KLC4: variants seen among roughly 807,000 people sequenced by gnomAD.
KLC4 encodes the protein kinesin light chain 4.
In KLC4, 49 loss-of-function variants were observed where a neutral mutation model predicts 77.2. That is an observed-to-expected ratio of 0.63 (90% confidence interval 0.50 to 0.80). The LOEUF (loss-of-function observed/expected upper bound fraction) is 0.80. Among genes scored for constraint, KLC4 ranks in the 30% least tolerant of loss-of-function variants. The probability of loss-of-function intolerance (pLI) is 0.00; values close to 1 mark genes in which losing one functional copy is unlikely to be tolerated. For missense variants in KLC4, 669 were observed against 793.5 expected, an observed-to-expected ratio of 0.84 and a Z score of 1.89; for synonymous variants, 274 against 314.5, an observed-to-expected ratio of 0.87 and a Z score of 1.36.
chr6:43,066,449 G>C lies in KLC4; in HGVS notation c.715G>C (p.Glu239Gln). ...CGTGCCACTCTGTAAGCAGGCACTA[G>C]AGGACCTGGAGCGCACATCAGGCCG... ...VAVPLCKQAL[E>Q]DLERTSGRGH... The change falls in exon 5 of 16, where the codon GAG becomes CAG. Residue 239 changes from glutamate (E) to glutamine (Q), a missense_variant. Transcript: ENST00000347162. The C allele has an allele frequency of 6.2e-7, 1 of 1,614,186 alleles. No individual in the cohort carries two copies. Among genetic ancestry groups the C allele is most frequent in the South Asian group, 1.1e-5 (1 of 91,088 alleles).
rs1341117761 is a variant in KLC4, at chr6:43,066,515, TTGG to T, written c.784_786del (p.Val262del). The T allele has an allele frequency of 6.2e-7, 1 of 1,612,502 alleles. No homozygotes were observed. The highest frequency in any genetic ancestry group is 1.7e-5 in the Admixed American group (1 of 59,984). The stretch of plus-strand genomic sequence containing the variant: ...CGCCACCATGCTCAACATCCTTGCT[TTGG>T]TGTATCGGTGAGGACTTCCCTCCTC... On this transcript the variant is annotated inframe_deletion, in exon 5 of 16. Coordinates refer to ENST00000347162, the MANE Select transcript of KLC4 (RefSeq NM_201521.3).
intron 1 of KLC4, chr6:43,060,073 A>C: frequency 6.6e-7 from 1 of 1,518,724 alleles, no homozygotes; most frequent in Non-Finnish European, 8.9e-7. Context: ...GACCCACTCC[A>C]GCGCCGCGGT....
Position 43,072,129 on chromosome 6 carries a change from GTC to G in KLC4, c.1380-14_1380-13del. The G allele has an allele frequency of 6.3e-7, 1 of 1,593,448 alleles. No homozygotes were observed. Among genetic ancestry groups the G allele is most frequent in the Non-Finnish European group, 8.6e-7 (1 of 1,162,576 alleles). ...GAACTCATTCTCTCTTCCTTCTCTGGTCTCTTTCTCACCACAGCCCCACAGTG... is the reference window on the plus strand; with the variant it reads ...GAACTCATTCTCTCTTCCTTCTCTGGTCTTTCTCACCACAGCCCCACAGTG... On this transcript the variant is annotated splice_polypyrimidine_tract_variant and intron_variant, in intron 11 of 15. Transcript: ENST00000347162.
intron 8 of KLC4, 58 bp downstream of exon 8, chr6:43,070,923 G>T: frequency 2.7e-6 from 1 of 376,836 alleles, no homozygotes; most frequent in Non-Finnish European, 4.8e-6. Flanking sequence ...CAGAGGTGGG[G>T]GGAGGGGGGG....
chr6:43,074,632 G>C lies in KLC4; in HGVS notation c.1820G>C (p.Gly607Ala). ...PSAAPLQVSR[G>A]LSASTMDLSS... ...TGTTGTCTGTTTCAGGTCTCCCGGG[G>C]CCTCAGTGCCAGCACCATGGACCTC... Residue 607 changes from glycine to alanine, a missense_variant, in exon 16 of 16, where the codon GGC (glycine) becomes GCC (alanine). Gly to Ala is a moderately conservative substitution (Grantham distance 60). Transcript: ENST00000347162. 2 of 1,614,042 alleles carry C rather than the reference G, an allele frequency of 1.2e-6. No homozygotes were observed. Among genetic ancestry groups the C allele is most frequent in the Admixed American group, 1.7e-5 (1 of 60,008 alleles).
intron 1 of KLC4, chr6:43,060,473 G>A (rs1430451529): frequency 7.2e-7 from 1 of 1,379,838 alleles, no homozygotes; most frequent in African/African-American, 1.5e-5. Context: ...GCTGTGAAGT[G>A]GTGAAAGAAG....
chr6:43,063,801 G>A (rs371767050), intron 3 of KLC4, among the ~76,000 whole-genome samples: 6 of 152,076 alleles, frequency 3.9e-5, no homozygotes, highest in East Asian at 3.9e-4. Context: ...TGGTCTGCCC[G>A]CCTGGGCCTC....
intron 5 of KLC4, 89 bp from the exon 6 acceptor site, chr6:43,066,907 T>C: frequency 6.5e-7 from 1 of 1,541,668 alleles, no homozygotes; most frequent in Non-Finnish European, 8.8e-7. Flanking sequence ...TCTCCAATCC[T>C]TAAATGTACT....
chr6:43,070,925 G>GGGGGGC, intron 8 of KLC4, 60 bp downstream of exon 8: 1 of 291,972 alleles, frequency 3.4e-6, no homozygotes, highest in Non-Finnish European at 6.1e-6. Flanking sequence ...GAGGTGGGGG[G>GGGGGGC]AGGGGGGGCA....
chr6:43,073,321 T>C lies in KLC4; in HGVS notation c.1728T>C (p.Thr576=), dbSNP rs1341265866. 20 of 1,613,094 alleles carry C rather than the reference T, an allele frequency of 1.2e-5. No individual in the cohort carries two copies. Among genetic ancestry groups the C allele is most frequent in the Non-Finnish European group, 1.7e-5 (20 of 1,179,294 alleles). ...TCTTGGTGAGGAAGCTCCAGGGGAC[T>C]GAGCCTCGGCCCTCCAGGTATACAT... ...SELLVRKLQG[T]EPRPSSSNMK... Residue 576 remains threonine, a synonymous_variant, in exon 14 of 16, where the codon ACT becomes ACC. Coordinates refer to ENST00000347162, the MANE Select transcript of KLC4 (RefSeq NM_201521.3).
chr6:43,074,634 C>T lies in KLC4; in HGVS notation c.1822C>T (p.Leu608Phe), dbSNP rs1297458470. The T allele has an allele frequency of 2.5e-6, 4 of 1,614,014 alleles. No individual in the cohort carries two copies. In the Admixed American group the frequency reaches 5.0e-5, roughly 20 times the overall value. The change falls in exon 16 of 16, where the codon CTC (leucine) becomes TTC (phenylalanine). Residue 608 changes from leucine to phenylalanine, a missense_variant. By Grantham distance (22) the Leu-to-Phe change is conservative. Transcript: ENST00000347162. ...SAAPLQVSRG[L>F]SASTMDLSSS... ...TTGTCTGTTTCAGGTCTCCCGGGGC[C>T]TCAGTGCCAGCACCATGGACCTCTC... is the stretch of plus-strand genomic sequence containing the variant.
At chr6:43,060,106 C>T (rs1437563063) in intron 1 of KLC4, 26 of 1,559,962 alleles carry the variant, frequency 1.7e-5, no homozygotes, top group Non-Finnish European at 2.3e-5. Flanking sequence ...GGCAGCCGTT[C>T]AGCAGACCTC....
chr6:43,061,680 C>A, intron 2 of KLC4, 87 bp downstream of exon 2: 1 of 1,341,572 alleles, frequency 7.5e-7, no homozygotes, highest in Non-Finnish European at 1.0e-6. Context: ...TTGGGATCAC[C>A]TCACTCTAGA....
chr6:43,069,072 C>T (rs1041423093), intron 6 of KLC4, among the ~76,000 whole-genome samples: 13 of 152,176 alleles, frequency 8.5e-5, no homozygotes, highest in African/African-American at 2.9e-4. Flanking sequence ...CGCACCATTG[C>T]ACTTCAACCT....
At chr6:43,060,360 T>G (rs753855003) in intron 1 of KLC4, 148 of 1,524,508 alleles carry the variant, frequency 9.7e-5, no homozygotes, top group Non-Finnish European at 1.2e-4. Flanking sequence ...GAGGCTGGCT[T>G]GGGGAAGGAG....
At chr6:43,072,066 C>T in intron 11 of KLC4, 81 bp from the exon 12 acceptor site, 9 of 1,412,110 alleles carry the variant, frequency 6.4e-6, no homozygotes, top group Middle Eastern at 1.8e-4. Context: ...TATTTTTTTT[C>T]CTCTTGTCTT....
At chr6:43,065,032 T>G (rs1272614239) in intron 3 of KLC4, among the ~76,000 whole-genome samples, 1 of 151,964 alleles carries the variant, frequency 6.6e-6, no homozygotes, top group African/African-American at 2.4e-5. Flanking sequence ...ATTACAAGAG[T>G]TAAGGCAAGA....
At chr6:43,071,496 C>G (rs1765720804) in intron 9 of KLC4, 71 bp from the exon 10 acceptor site, 10 of 1,568,802 alleles carry the variant, frequency 6.4e-6, no homozygotes, top group Non-Finnish European at 8.8e-6. Context: ...GCCTGTCAGC[C>G]TCTGGGTCCT....
intron 4 of KLC4, 114 bp downstream of exon 4, chr6:43,065,815 T>C: frequency 7.0e-6 from 5 of 713,240 alleles, no homozygotes; most frequent in Non-Finnish European, 1.2e-5. Context: ...CTCCACTTTC[T>C]CTGGAGACAG....
Sources: allele counts gnomAD v4.1 joint callset (sites outside exome capture counted in the v4.1 genomes callset), GRCh38; gene constraint gnomAD v4.1.1; transcripts MANE v1.5; gene names NCBI Gene and HGNC (gene_info 2026-07-23, HGNC 2026-07-21).